LRP1B: variants seen among roughly 807,000 people sequenced by gnomAD.
LRP1B encodes low-density lipoprotein receptor-related protein 1B.
In LRP1B, 217 loss-of-function variants were observed where a neutral mutation model predicts 556.6. The observed-to-expected ratio is 0.39, with a 90% CI of 0.35 to 0.44. LRP1B has a LOEUF of 0.44. Among genes scored for constraint, LRP1B ranks in the 20% least tolerant of loss-of-function variants. The probability of loss-of-function intolerance (pLI) is 1.00; values close to 1 mark genes in which losing one functional copy is unlikely to be tolerated. For synonymous variants in LRP1B, 2,047 were observed against 1,865.8 expected (o/e 1.10, Z -2.50); for missense variants, 5,053 against 5,620.8 (o/e 0.90, Z 3.23).
chr2:141,318,777 G>A (rs749238871), intron 3 of LRP1B, among the ~76,000 whole-genome samples: 7 of 152,082 alleles, frequency 4.6e-5, no homozygotes, highest in Admixed American at 2.0e-4. Context: ...TATCTGCTGA[G>A]ATTAGGTAAC....
chr2:140,881,275 T>C (rs933054307), intron 25 of LRP1B, among the ~76,000 whole-genome samples: 22 of 151,642 alleles, frequency 1.5e-4, no homozygotes, highest in African/African-American at 4.8e-4. Flanking sequence ...TGTGTGTGTG[T>C]GCGTGTGTGT....
chr2:141,980,836 C>A (rs1487646822), intron 1 of LRP1B, among the ~76,000 whole-genome samples: 1 of 151,998 alleles, frequency 6.6e-6, no homozygotes, highest in Non-Finnish European at 1.5e-5. Context: ...CTGGATTGGA[C>A]AGCACAACTC....
intron 2 of LRP1B, among the ~76,000 whole-genome samples, chr2:141,805,033 A>T (rs1696126154): frequency 6.6e-6 from 1 of 152,004 alleles, no homozygotes; most frequent in Non-Finnish European, 1.5e-5. Context: ...TACTAGCAGA[A>T]CCCCAAATAT....
intron 4 of LRP1B, among the ~76,000 whole-genome samples, chr2:141,252,799 GC>G (rs1684312150): frequency 6.6e-6 from 1 of 152,058 alleles, no homozygotes; most frequent in Non-Finnish European, 1.5e-5. Context: ...AAGACAGAGG[GC>G]TACCTGGAAA....
At chr2:140,412,348 C>T (rs193247772) in intron 66 of LRP1B, among the ~76,000 whole-genome samples, 6 of 152,012 alleles carry the variant, frequency 3.9e-5, no homozygotes, top group African/African-American at 1.4e-4. Flanking sequence ...TGGGTACTCC[C>T]AAATCAACTT....
At chr2:140,372,722 C>G (rs996275184) in intron 69 of LRP1B, among the ~76,000 whole-genome samples, 2 of 152,082 alleles carry the variant, frequency 1.3e-5, no homozygotes, top group African/African-American at 4.8e-5. Context: ...ACTTTCCTAT[C>G]TTGGGGAAAC....
intron 13 of LRP1B, among the ~76,000 whole-genome samples, chr2:141,014,799 G>C (rs1697855841): frequency 6.6e-6 from 1 of 152,030 alleles, no homozygotes; most frequent in Non-Finnish European, 1.5e-5. Context: ...CACCTGTTAA[G>C]TGTGTGACAT....
intron 66 of LRP1B, among the ~76,000 whole-genome samples, chr2:140,417,484 A>C (rs1419745071): frequency 6.6e-6 from 1 of 152,250 alleles, no homozygotes; most frequent in East Asian, 1.9e-4. Flanking sequence ...ACTGATGTTA[A>C]TAACAAGGCA....
At chr2:141,124,469 A>G (rs969579344) in intron 7 of LRP1B, among the ~76,000 whole-genome samples, 1 of 152,060 alleles carries the variant, frequency 6.6e-6, no homozygotes, top group African/African-American at 2.4e-5. Context: ...ATGACATTCT[A>G]CTTCTTGTCA....
intron 21 of LRP1B, among the ~76,000 whole-genome samples, chr2:140,909,947 A>C (rs993659162): frequency 5.9e-5 from 9 of 151,314 alleles, no homozygotes; most frequent in Non-Finnish European, 1.3e-4. Flanking sequence ...TCTGAAAAAA[A>C]GCCTTGAATA....
chr2:141,724,371 G>A (rs1012035112), intron 2 of LRP1B, among the ~76,000 whole-genome samples: 4 of 151,832 alleles, frequency 2.6e-5, no homozygotes, highest in African/African-American at 9.7e-5. Flanking sequence ...GTAAAAGAGG[G>A]CAAACAAAAA....
At chr2:141,332,234 CT>C (rs1273734302) in intron 3 of LRP1B, among the ~76,000 whole-genome samples, 1 of 151,984 alleles carries the variant, frequency 6.6e-6, no homozygotes, top group Non-Finnish European at 1.5e-5. Flanking sequence ...AATTAATTTA[CT>C]TTTCTGAATC....
intron 5 of LRP1B, among the ~76,000 whole-genome samples, chr2:141,231,626 C>T (rs1683475174): frequency 6.7e-6 from 1 of 149,768 alleles, no homozygotes; most frequent in African/African-American, 2.5e-5. Context: ...CCCTGCCCCG[C>T]CCCGCCACCC....
At chr2:141,014,435 A>G (rs1558800958) in intron 13 of LRP1B, among the ~76,000 whole-genome samples, 1 of 152,082 alleles carries the variant, frequency 6.6e-6, no homozygotes, top group Non-Finnish European at 1.5e-5. Flanking sequence ...GTTTAAGTCC[A>G]GTTTCACATG....
intron 3 of LRP1B, among the ~76,000 whole-genome samples, chr2:141,426,434 G>A (rs541186314): frequency 7.2e-5 from 11 of 152,268 alleles, no homozygotes; most frequent in African/African-American, 2.4e-4. Context: ...TTAGAAAAAT[G>A]ACATTCAATT....
In LRP1B at chr2:140,509,115, CTTATA is replaced by C. The variant is rs550912191; in HGVS notation, c.8398+808_8398+812del. Among the ~76,000 whole-genome samples, 730 of 145,198 alleles carry C rather than the reference CTTATA, an allele frequency of 5.0e-3. 2 individuals carry two copies. The highest frequency in any genetic ancestry group is 0.01 in the South Asian group (47 of 4,496). ...ACACACACACACACACACACAGACACTTATATTATGGCTTCAAATACAATGCTTTA... is the reference window on the plus strand; with the variant it reads ...ACACACACACACACACACACAGACACTTATGGCTTCAAATACAATGCTTTA... On this transcript the variant is annotated intron_variant, in intron 52 of 90. Coordinates refer to ENST00000389484, the MANE Select transcript of LRP1B (RefSeq NM_018557.3).
intron 66 of LRP1B, among the ~76,000 whole-genome samples, chr2:140,436,598 TGCTC>T (rs1686192379): frequency 7.6e-6 from 1 of 131,826 alleles, no homozygotes; most frequent in African/African-American, 2.8e-5. Context: ...TATATTATAC[TGCTC>T]ACTGTCTTTT....
intron 20 of LRP1B, among the ~76,000 whole-genome samples, chr2:140,942,304 C>A (rs1187095174): frequency 6.6e-6 from 1 of 152,028 alleles, no homozygotes; most frequent in African/African-American, 2.4e-5. Context: ...GCAAAGTGAT[C>A]AAACACACAG....
chr2:141,670,711 T>C (rs1414460446), intron 2 of LRP1B, among the ~76,000 whole-genome samples: 3 of 152,228 alleles, frequency 2.0e-5, no homozygotes, highest in Non-Finnish European at 4.4e-5. Flanking sequence ...ACAGCTTATC[T>C]GTGCAGTGAA....
Sources: allele counts gnomAD v4.1 joint callset (sites outside exome capture counted in the v4.1 genomes callset), GRCh38; gene constraint gnomAD v4.1.1; transcripts MANE v1.5; gene names NCBI Gene and HGNC (gene_info 2026-07-23, HGNC 2026-07-21).